ANXA8: variants seen among roughly 807,000 people sequenced by gnomAD.
ANXA8 encodes the protein annexin A8.
A neutral mutation model predicts 26.8 loss-of-function variants in ANXA8; 9 were observed. That is an observed-to-expected ratio of 0.34 (90% CI 0.20 to 0.59). The LOEUF is 0.59. Ranked by LOEUF, ANXA8 falls within the 20% of genes least tolerant of loss-of-function variation. The probability of loss-of-function intolerance (pLI) is 0.84; values close to 1 mark genes in which losing one functional copy is unlikely to be tolerated. For missense variants in ANXA8, 83 were observed against 238.5 expected, an observed-to-expected ratio of 0.35 and a Z score of 4.29; for synonymous variants, 39 against 94.8, an observed-to-expected ratio of 0.41 and a Z score of 3.42.
the ANXA8 span, among the ~76,000 whole-genome samples, chr10:47,659,916 C>T: frequency 2.0e-5 from 3 of 151,134 alleles, no homozygotes; most frequent in African/African-American, 7.4e-5. Context: ...TCCACTATGC[C>T]TAGCTAATTT....
At chr10:47,689,099 C>A in the ANXA8 span, among the ~76,000 whole-genome samples, 1 of 138,716 alleles carries the variant, frequency 7.2e-6, no homozygotes, top group East Asian at 2.4e-4. Context: ...GGCAACAGAG[C>A]AAGACTCCAT....
At chr10:47,588,743 C>T in the ANXA8 span, 1 of 144,596 alleles carries the variant, frequency 6.9e-6, no homozygotes, top group South Asian at 2.1e-4. Flanking sequence ...TTACAGAGGT[C>T]TTGGTTAGTT....
the ANXA8 span, among the ~76,000 whole-genome samples, chr10:47,682,463 C>CT: frequency 2.2e-5 from 3 of 136,730 alleles, no homozygotes; most frequent in Non-Finnish European, 3.1e-5. Flanking sequence ...TTTATTCTTT[C>CT]TTTTTCTTTT....
the ANXA8 span, chr10:47,763,009 G>C: frequency 8.7e-7 from 1 of 1,152,374 alleles, no homozygotes; most frequent in Non-Finnish European, 1.1e-6. Context: ...CCCCATCCCG[G>C]AGAGCAGGGC....
At chr10:47,957,125 G>C in the ANXA8 span, among the ~76,000 whole-genome samples, 6 of 150,100 alleles carry the variant, frequency 4.0e-5, no homozygotes, top group Admixed American at 6.6e-5. Flanking sequence ...AGCTGAGCAA[G>C]GTTGGCAGTG....
At chr10:47,700,570 T>C in the ANXA8 span, among the ~76,000 whole-genome samples, 7 of 151,566 alleles carry the variant, frequency 4.6e-5, no homozygotes, top group Non-Finnish European at 1.0e-4. Context: ...CCTGAATGAA[T>C]CCTCTGTAAT....
At chr10:47,505,543 CT>C in the ANXA8 span, among the ~76,000 whole-genome samples, 1 of 133,288 alleles carries the variant, frequency 7.5e-6, no homozygotes, top group African/African-American at 2.7e-5. Flanking sequence ...TGAAAAATCA[CT>C]TTTTTCACAG....
At chr10:47,881,827 G>GTGTA in the ANXA8 span, among the ~76,000 whole-genome samples, 7 of 145,902 alleles carry the variant, frequency 4.8e-5, no homozygotes, top group Admixed American at 1.4e-4. Context: ...GTGCATGTTT[G>GTGTA]TGTGTGTGTG....
chr10:47,488,681 T>C (rs1475670647), upstream of ANXA8, among the ~76,000 whole-genome samples: 1 of 143,580 alleles, frequency 7.0e-6, no homozygotes, highest in East Asian at 2.2e-4. Context: ...CACACATCAA[T>C]TTAACATTTA....
At chr10:47,680,496 G>A in the ANXA8 span, among the ~76,000 whole-genome samples, 3 of 151,850 alleles carry the variant, frequency 2.0e-5, no homozygotes, top group South Asian at 2.1e-4. Flanking sequence ...TTAGCTGGGT[G>A]TGGTGGTGCA....
chr10:47,572,662 A>G, the ANXA8 span, among the ~76,000 whole-genome samples: 113 of 143,540 alleles, frequency 7.9e-4, no homozygotes, highest in Non-Finnish European at 1.3e-3. Flanking sequence ...GGTTGCAGTG[A>G]GCTGACGTCA....
the ANXA8 span, among the ~76,000 whole-genome samples, chr10:47,679,060 GAA>G: frequency 5.9e-5 from 7 of 119,476 alleles, no homozygotes; most frequent in East Asian, 9.7e-4. Context: ...AAAAAAAAAA[GAA>G]AAAGAAAAAG....
At chr10:47,655,794 G>C in the ANXA8 span, among the ~76,000 whole-genome samples, 1 of 151,936 alleles carries the variant, frequency 6.6e-6, no homozygotes, top group Non-Finnish European at 1.5e-5. Flanking sequence ...GCCGAGGTGG[G>C]CAGATCACCT....
chr10:47,513,526 AG>A, the ANXA8 span, among the ~76,000 whole-genome samples: 1 of 142,268 alleles, frequency 7.0e-6, no homozygotes, highest in Non-Finnish European at 1.5e-5. Context: ...TCACAGAACT[AG>A]AAAAAACAGT....
At chr10:47,619,591 G>A in the ANXA8 span, among the ~76,000 whole-genome samples, 1 of 120,310 alleles carries the variant, frequency 8.3e-6, no homozygotes, top group Non-Finnish European at 1.8e-5. Context: ...AACTAAGTTA[G>A]AAAGATTGGG....
chr10:47,700,525 G>T, the ANXA8 span, among the ~76,000 whole-genome samples: 1 of 151,536 alleles, frequency 6.6e-6, no homozygotes, highest in Non-Finnish European at 1.5e-5. Flanking sequence ...TAGTCTAAAT[G>T]TAAAAAATAA....
At chr10:47,496,881 A>C in the ANXA8 span, among the ~76,000 whole-genome samples, 5 of 139,588 alleles carry the variant, frequency 3.6e-5, no homozygotes, top group South Asian at 1.2e-3. Flanking sequence ...AGTTCTTCTT[A>C]CTGATGATGT....
At chr10:47,940,199 G>A in the ANXA8 span, among the ~76,000 whole-genome samples, 52 of 150,422 alleles carry the variant, frequency 3.5e-4, no homozygotes, top group South Asian at 0.01. Flanking sequence ...ATGCAAGAGA[G>A]TCTCCATCTT....
chr10:47,679,778 C>T, the ANXA8 span, among the ~76,000 whole-genome samples: 72 of 151,960 alleles, frequency 4.7e-4, no homozygotes, highest in African/African-American at 1.6e-3. Context: ...AAAAGGCGGG[C>T]ATGGTGGCAT....
Sources: allele counts gnomAD v4.1 joint callset (sites outside exome capture counted in the v4.1 genomes callset), GRCh38; gene constraint gnomAD v4.1.1; transcripts MANE v1.5; gene names NCBI Gene and HGNC (gene_info 2026-07-23, HGNC 2026-07-21).